Variants in KIAA1217 observed in about 807,000 individuals in gnomAD.
The protein encoded by KIAA1217 is sickle tail protein homolog.
In KIAA1217, 88 loss-of-function variants were observed where a neutral mutation model predicts 163.9. The ratio of observed to expected loss-of-function variants is 0.54; its 90% confidence interval spans 0.45 to 0.64. The LOEUF (loss-of-function observed/expected upper bound fraction) is 0.64, where lower values mean the gene tolerates loss of function less well. Ranked by LOEUF, KIAA1217 falls within the 30% of genes least tolerant of loss-of-function variation. The probability of loss-of-function intolerance (pLI) is 0.00; values close to 1 mark genes in which losing one functional copy is unlikely to be tolerated. For missense variants in KIAA1217, 2,372 were observed against 2,475.0 expected (o/e 0.96, Z 0.88); for synonymous variants, 903 against 923.1 (o/e 0.98, Z 0.39).
intron 3 of KIAA1217, among the ~76,000 whole-genome samples, chr10:24,396,063 G>T (rs553255533): frequency 6.6e-6 from 1 of 152,168 alleles, no homozygotes; most frequent in Non-Finnish European, 1.5e-5. Context: ...CCGGCCAGGC[G>T]TGGTGGCTCA....
chr10:24,055,131 G>T (rs568310502), intron 2 of KIAA1217, among the ~76,000 whole-genome samples: 1 of 152,122 alleles, frequency 6.6e-6, no homozygotes, highest in African/African-American at 2.4e-5. Context: ...GCCAGGCATG[G>T]TGGCATGCAC....
At chr10:24,209,360 G>C in intron 1 of KIAA1217, 97 bp downstream of exon 1, 1 of 584,470 alleles carries the variant, frequency 1.7e-6, no homozygotes, top group East Asian at 3.4e-5. Context: ...CCCGGCAAAG[G>C]AAAAAAAAAA....
chr10:24,197,227 A>G (rs1325259568), intron 2 of KIAA1217, among the ~76,000 whole-genome samples: 1 of 152,198 alleles, frequency 6.6e-6, no homozygotes, highest in African/African-American at 2.4e-5. Flanking sequence ...TTTTTGATAA[A>G]TGGTCATTAG....
intron 1 of KIAA1217, among the ~76,000 whole-genome samples, chr10:23,865,426 A>G (rs1840138185): frequency 6.6e-6 from 1 of 151,940 alleles, no homozygotes; most frequent in South Asian, 2.1e-4. Flanking sequence ...CCACTTTTCC[A>G]TTTATTTCTA....
intron 2 of KIAA1217, among the ~76,000 whole-genome samples, chr10:24,166,664 G>A (rs1454449499): frequency 1.3e-5 from 2 of 152,140 alleles, no homozygotes. Flanking sequence ...CTTGAGCCTG[G>A]GAAGTGGAGG....
chr10:24,249,077 C>T (rs949245742), intron 2 of KIAA1217, among the ~76,000 whole-genome samples: 1 of 152,218 alleles, frequency 6.6e-6, no homozygotes, highest in Non-Finnish European at 1.5e-5. Context: ...TATACATTCT[C>T]TTAGCACAAA....
intron 2 of KIAA1217, among the ~76,000 whole-genome samples, chr10:24,288,660 T>C (rs2078796541): frequency 6.6e-6 from 1 of 152,086 alleles, no homozygotes; most frequent in Admixed American, 6.6e-5. Flanking sequence ...GCAGTTTGGG[T>C]CAGGGAAGGC....
chr10:24,419,109 A>G (rs2058515096), intron 3 of KIAA1217, among the ~76,000 whole-genome samples: 2 of 150,602 alleles, frequency 1.3e-5, no homozygotes, highest in South Asian at 4.2e-4. Context: ...CCCAGGAGGC[A>G]GAGGTTGCAG....
intron 2 of KIAA1217, among the ~76,000 whole-genome samples, chr10:24,117,863 G>A (rs1426167183): frequency 6.6e-6 from 1 of 152,060 alleles, no homozygotes; most frequent in Non-Finnish European, 1.5e-5. Context: ...ATACGGAAAA[G>A]GGGTGGTAGG....
intron 1 of KIAA1217, among the ~76,000 whole-genome samples, chr10:23,872,455 G>A (rs1268998743): frequency 1.3e-5 from 2 of 152,066 alleles, no homozygotes; most frequent in Admixed American, 6.6e-5. Flanking sequence ...GCATCTTGAG[G>A]ACCCCCTGCC....
intron 1 of KIAA1217, among the ~76,000 whole-genome samples, chr10:23,729,563 C>A (rs943444255): frequency 5.9e-5 from 9 of 152,060 alleles, no homozygotes; most frequent in Admixed American, 4.6e-4. Context: ...TATAGAAATT[C>A]TTTTCATATA....
At chr10:24,290,596 C>G (rs1446994228) in intron 2 of KIAA1217, among the ~76,000 whole-genome samples, 1 of 151,210 alleles carries the variant, frequency 6.6e-6, no homozygotes, top group African/African-American at 2.4e-5. Flanking sequence ...ATAATATAAA[C>G]AGATGTCTCT....
At chr10:24,519,037 G>A (rs1490620873) in intron 10 of KIAA1217, among the ~76,000 whole-genome samples, 1 of 152,120 alleles carries the variant, frequency 6.6e-6, no homozygotes, top group African/African-American at 2.4e-5. Flanking sequence ...GCTGCCATGC[G>A]ATCCAGAGCT....
At chr10:24,139,341 T>C (rs2063960261) in intron 2 of KIAA1217, among the ~76,000 whole-genome samples, 1 of 152,184 alleles carries the variant, frequency 6.6e-6, no homozygotes, top group Admixed American at 6.6e-5. Context: ...TTGTCCATAT[T>C]GGTGTGTGGT....
chr10:24,105,008 TG>T (rs1170015059), intron 2 of KIAA1217, among the ~76,000 whole-genome samples: 3 of 152,180 alleles, frequency 2.0e-5, no homozygotes, highest in Non-Finnish European at 4.4e-5. Flanking sequence ...ACTTGGAATT[TG>T]GTGAAGATAC....
At chr10:23,899,860 A>G (rs192689064) in intron 1 of KIAA1217, among the ~76,000 whole-genome samples, 1 of 152,154 alleles carries the variant, frequency 6.6e-6, no homozygotes, top group East Asian at 1.9e-4. Context: ...ATACAGTTTG[A>G]TATTTTTACT....
At chr10:24,466,056 C>G (rs1176804496) in intron 5 of KIAA1217, among the ~76,000 whole-genome samples, 2 of 152,142 alleles carry the variant, frequency 1.3e-5, no homozygotes, top group Non-Finnish European at 2.9e-5. Flanking sequence ...TAGACAGCCT[C>G]CTTATCTCCC....
chr10:24,544,180 CAGTG>C lies in KIAA1217; in HGVS notation c.4913_4916del (p.Val1638GlyfsTer45), dbSNP rs1360362547. 1 of 1,614,076 alleles carries C rather than the reference CAGTG, an allele frequency of 6.2e-7. No homozygotes were observed. Among genetic ancestry groups the C allele is most frequent in the Admixed American group, 1.7e-5 (1 of 60,018 alleles). ...CAACCTGAAGACACCCCTGAAAACACAGTGAGGAGGCAAGAGCAGCCCAGCATCG... is the reference window on the plus strand; with the variant it reads ...CAACCTGAAGACACCCCTGAAAACACAGGAGGCAAGAGCAGCCCAGCATCG... On this transcript the variant is annotated frameshift_variant, in exon 19 of 21. Transcript: ENST00000376454. LOFTEE classifies it high-confidence loss of function.
At chr10:23,951,606 T>C (rs956351918) in intron 1 of KIAA1217, among the ~76,000 whole-genome samples, 3 of 151,984 alleles carry the variant, frequency 2.0e-5, no homozygotes, top group Non-Finnish European at 4.4e-5. Context: ...TGAGCCATGA[T>C]TGTACCACTG....
Sources: allele counts gnomAD v4.1 joint callset (sites outside exome capture counted in the v4.1 genomes callset), GRCh38; gene constraint gnomAD v4.1.1; transcripts MANE v1.5; gene names NCBI Gene and HGNC (gene_info 2026-07-23, HGNC 2026-07-21).